Variants in LRRCC1 observed in about 807,000 individuals in gnomAD.
The protein encoded by LRRCC1 is leucine rich repeat and coiled-coil centrosomal protein 1.
Under a neutral mutation model 126.0 loss-of-function variants are expected in LRRCC1, and 115 were observed. The observed-to-expected ratio is 0.91, with a 90% CI of 0.78 to 1.07. LRRCC1 has a LOEUF of 1.07. LRRCC1 is among the 50% of genes least tolerant of loss of function. The probability of loss-of-function intolerance (pLI) is 0.00; values close to 1 mark genes in which losing one functional copy is unlikely to be tolerated. For synonymous variants in LRRCC1, 400 were observed against 393.4 expected (o/e 1.02, Z -0.20); for missense variants, 1,172 against 1,175.7 (o/e 1.00, Z 0.05).
chr8:85,115,128 G>A lies in LRRCC1; in HGVS notation c.573G>A (p.Leu191=), dbSNP rs1563931874. ...PGYRAVILQT[L]PQLRILDCKN... is the part of the protein sequence containing the mutation. Reference sequence around the variant, plus strand: ...ACAGAGCAGTTATTCTCCAGACTTTGCCACAGCTTAGAATCCTAGATTGCA... The same window carrying A: ...ACAGAGCAGTTATTCTCCAGACTTTACCACAGCTTAGAATCCTAGATTGCA... The change falls in exon 5 of 19, where the codon TTG becomes TTA. Residue 191 remains leucine (L), a synonymous_variant. Transcript: ENST00000360375. The A allele has an allele frequency of 6.2e-7, 1 of 1,607,286 alleles. No homozygotes were observed. The highest frequency in any genetic ancestry group is 8.5e-7 in the Non-Finnish European group (1 of 1,177,694).
At chr8:85,114,525 G>A (rs1587374263) in intron 4 of LRRCC1, among the ~76,000 whole-genome samples, 2 of 152,024 alleles carry the variant, frequency 1.3e-5, no homozygotes, top group South Asian at 2.1e-4. Context: ...GTTAGCCTTA[G>A]TACCAAATGA....
rs1587378797 is a variant in LRRCC1, at chr8:85,115,900, T to G, written c.930+316T>G. Among the ~76,000 whole-genome samples, 4 of 152,324 alleles carry G rather than the reference T, an allele frequency of 2.6e-5. No individual in the cohort carries two copies. In the South Asian group the frequency reaches 8.3e-4, roughly 32 times the overall value. On this transcript the variant is annotated intron_variant, in intron 6 of 18. Transcript: ENST00000360375. ...CACCGTAAGCAAGGGAGAAACTCTTTGGACTCAGTGTTACTTAACGCAAAG... is the reference window on the plus strand; with the variant it reads ...CACCGTAAGCAAGGGAGAAACTCTTGGGACTCAGTGTTACTTAACGCAAAG...
At chr8:85,120,935 C>T (rs1401931757) in intron 6 of LRRCC1, among the ~76,000 whole-genome samples, 4 of 152,140 alleles carry the variant, frequency 2.6e-5, no homozygotes, top group Non-Finnish European at 4.4e-5. Context: ...TTTGTGTGGA[C>T]ATAGATTTTC....
intron 8 of LRRCC1, 91 bp from the exon 9 acceptor site, chr8:85,126,598 C>A: frequency 9.5e-7 from 1 of 1,054,618 alleles, no homozygotes; most frequent in Non-Finnish European, 1.4e-6. Flanking sequence ...GAAGTAGGTA[C>A]TATTATTCCC....
rs1809020741 is a variant in LRRCC1, at chr8:85,115,249, T to G, written c.694T>G (p.Ser232Ala). 6.2e-7 allele frequency: 1 copy of G among 1,609,656 alleles called. No individual in the cohort carries two copies. Among genetic ancestry groups the G allele is most frequent in the Non-Finnish European group, 8.5e-7 (1 of 1,178,026 alleles). The change falls in exon 5 of 19, where the codon TCT becomes GCT. Residue 232 changes from serine to alanine, a missense_variant. Coordinates refer to ENST00000360375, the MANE Select transcript of LRRCC1 (RefSeq NM_033402.5). ...TTTGGATAATTTAGTTTCTTCTGAT[T>G]CTCCCCTAAATATAAGTGAAGATGA... The part of the protein sequence containing the change: ...GLLDNLVSSD[S>A]PLNISEDEII...
Position 85,113,027 on chromosome 8 carries a change from G to A in LRRCC1, c.472G>A (p.Val158Ile). 6 of 1,611,772 alleles carry A rather than the reference G, an allele frequency of 3.7e-6. No homozygotes were observed. Among genetic ancestry groups the A allele is most frequent in the South Asian group, 1.1e-5 (1 of 90,824 alleles). ...DSIHHLLQCM[V>I]GLHFLTNLIL... ...TATCCATCACTTACTTCAGTGTATG[G>A]TAGGATTGCACTTCCTGACCAATCT... Residue 158 changes from valine (V) to isoleucine (I), a missense_variant, in exon 4 of 19, where the codon GTA (valine) becomes ATA (isoleucine). By Grantham distance (29) the Val-to-Ile change is conservative. Transcript: ENST00000360375.
chr8:85,123,201 T>C (rs1262149097), intron 6 of LRRCC1, among the ~76,000 whole-genome samples: 2 of 152,198 alleles, frequency 1.3e-5, no homozygotes, highest in Non-Finnish European at 2.9e-5. Context: ...TGTTTGTATT[T>C]TTTCCAGAGT....
At chr8:85,121,681 T>A (rs1034514205) in intron 6 of LRRCC1, among the ~76,000 whole-genome samples, 1 of 152,184 alleles carries the variant, frequency 6.6e-6, no homozygotes, top group African/African-American at 2.4e-5. Context: ...GCTCAGGTGA[T>A]CCACCTGCCT....
intron 18 of LRRCC1, among the ~76,000 whole-genome samples, chr8:85,143,179 G>A (rs930441802): frequency 1.3e-5 from 2 of 152,080 alleles, no homozygotes; most frequent in Non-Finnish European, 2.9e-5. Flanking sequence ...ACAATTAGCT[G>A]GGCATGGTGG....
At chr8:85,125,801 T>C (rs895105377) in intron 8 of LRRCC1, among the ~76,000 whole-genome samples, 1 of 152,134 alleles carries the variant, frequency 6.6e-6, no homozygotes, top group Non-Finnish European at 1.5e-5. Flanking sequence ...CTTCCCCTTA[T>C]ATTACTTGTG....
intron 4 of LRRCC1, 103 bp downstream of exon 4, chr8:85,113,202 C>A: frequency 1.2e-6 from 1 of 805,370 alleles, no homozygotes; most frequent in South Asian, 1.7e-5. Flanking sequence ...TTCAGCTTTG[C>A]AACATTTTCT....
At chr8:85,114,126 T>C (rs1324487177) in intron 4 of LRRCC1, among the ~76,000 whole-genome samples, 5 of 152,036 alleles carry the variant, frequency 3.3e-5, no homozygotes, top group Non-Finnish European at 7.4e-5. Flanking sequence ...TCCCTGAAAA[T>C]CAGGACAGAT....
Position 85,109,797 on chromosome 8 carries a change from G to A in LRRCC1, c.307G>A (p.Glu103Lys). 6.5e-7 allele frequency: 1 copy of A among 1,535,440 alleles called. No individual in the cohort carries two copies. The highest frequency in any genetic ancestry group is 8.9e-7 in the Non-Finnish European group (1 of 1,121,710). Reference sequence around the variant, plus strand: ...GTCCTGCAATTTGATTACAAAAGTAGAAGGTTTGTAAGTGATTTTCATTTA... The same window carrying A: ...GTCCTGCAATTTGATTACAAAAGTAAAAGGTTTGTAAGTGATTTTCATTTA... ...NLSCNLITKV[E>K]GLEELINLTR... Residue 103 changes from glutamate (E) to lysine (K), a missense_variant, in exon 2 of 19, where the codon GAA becomes AAA. Physicochemically the swap from Glu to Lys is moderately conservative, Grantham distance 56. Coordinates refer to ENST00000360375, the MANE Select transcript of LRRCC1 (RefSeq NM_033402.5).
At chr8:85,110,824 A>C (rs1202514867) in intron 3 of LRRCC1, among the ~76,000 whole-genome samples, 1 of 152,190 alleles carries the variant, frequency 6.6e-6, no homozygotes, top group Non-Finnish European at 1.5e-5. Context: ...TGATAAGTTG[A>C]ACAAAGTTTC....
At chr8:85,134,596 A>G (rs541390270) in intron 12 of LRRCC1, among the ~76,000 whole-genome samples, 1 of 152,316 alleles carries the variant, frequency 6.6e-6, no homozygotes, top group South Asian at 2.1e-4. Context: ...CTGAGATTAC[A>G]GGCATCAGCC....
intron 6 of LRRCC1, among the ~76,000 whole-genome samples, chr8:85,117,393 A>G (rs554990100): frequency 6.6e-6 from 1 of 152,300 alleles, no homozygotes; most frequent in African/African-American, 2.4e-5. Context: ...TGCTATGTAT[A>G]TTTAAAATGT....
intron 18 of LRRCC1, among the ~76,000 whole-genome samples, chr8:85,143,581 G>C (rs1458198729): frequency 6.6e-6 from 1 of 152,132 alleles, no homozygotes; most frequent in Non-Finnish European, 1.5e-5. Context: ...CGGGACTATG[G>C]TGAGCTGTGA....
rs140724920 is a variant in LRRCC1 at position 85,132,719 on chromosome 8, A to C, written c.1968+758A>C. Reference sequence around the variant, plus strand: ...TAGTTGAGTACTTTCAACAGAGTTCATATGGCCTGGCCTGTATAGCCTAAC... The same window carrying C: ...TAGTTGAGTACTTTCAACAGAGTTCCTATGGCCTGGCCTGTATAGCCTAAC... On this transcript the variant is annotated intron_variant, in intron 12 of 18. Coordinates refer to ENST00000360375, the MANE Select transcript of LRRCC1 (RefSeq NM_033402.5). Among the ~76,000 whole-genome samples the C allele has an allele frequency of 3.2e-3, 483 of 152,266 alleles. 4 individuals carry two copies. Among genetic ancestry groups the C allele is most frequent in the African/African-American group, 0.011 (462 of 41,552 alleles).
chr8:85,107,543 C>T, intron 1 of LRRCC1, 144 bp downstream of exon 1: 3 of 674,704 alleles, frequency 4.4e-6, no homozygotes, highest in Non-Finnish European at 7.1e-6. Flanking sequence ...GGCCTCCCCG[C>T]TCCTCCAAAA....
Sources: gnomAD v4.1 joint callset for allele counts (sites outside exome capture counted in the v4.1 genomes callset) on GRCh38, gnomAD v4.1.1 for gene constraint, MANE v1.5 for transcripts, NCBI Gene and HGNC (gene_info 2026-07-23, HGNC 2026-07-21) for gene names.